HTR2C: variants seen among roughly 807,000 people sequenced by gnomAD.
The protein encoded by HTR2C is 5-hydroxytryptamine receptor 2C.
Under a neutral mutation model 21.0 loss-of-function variants are expected in HTR2C, and 5 were observed. The observed-to-expected ratio is 0.24, with a 90% CI of 0.12 to 0.50. The LOEUF is 0.50. Ranked by LOEUF, HTR2C falls within the 20% of genes least tolerant of loss-of-function variation. The pLI is 0.98. For synonymous variants in HTR2C, 150 were observed against 145.3 expected, an observed-to-expected ratio of 1.03 and a Z score of -0.23; for missense variants, 271 against 371.2, an observed-to-expected ratio of 0.73 and a Z score of 2.22.
intron 2 of HTR2C, among the ~76,000 whole-genome samples, chrX:114,645,208 TA>T (rs1314421190): frequency 1.1e-3 from 117 of 108,887 alleles, no homozygotes; most frequent in African/African-American, 3.6e-3. Flanking sequence ...ATAAGGAAGC[TA>T]AAAAAAATAC....
intron 5 of HTR2C, among the ~76,000 whole-genome samples, chrX:114,867,201 CT>C (rs1275630295): frequency 8.9e-6 from 1 of 111,789 alleles, no homozygotes; most frequent in Non-Finnish European, 1.9e-5. Flanking sequence ...GCCATTTTAA[CT>C]GGAGAGAAAT....
intron 4 of HTR2C, among the ~76,000 whole-genome samples, chrX:114,786,959 ATTCT>A (rs782001058): frequency 9.0e-6 from 1 of 110,949 alleles, no homozygotes; most frequent in Admixed American, 9.6e-5. Context: ...ATTCTGGTTG[ATTCT>A]TTCTCCTGGT....
chrX:114,733,267 G>A (rs2069554144), intron 4 of HTR2C, among the ~76,000 whole-genome samples: 3 of 109,765 alleles, frequency 2.7e-5, no homozygotes, highest in Admixed American at 2.0e-4. Flanking sequence ...AAAATTAGCC[G>A]GGCGTGGTGG....
At chrX:114,696,123 G>C (rs1932269331) in intron 2 of HTR2C, among the ~76,000 whole-genome samples, 1 of 111,345 alleles carries the variant, frequency 9.0e-6, no homozygotes, top group South Asian at 3.8e-4. Context: ...TTATTGAACA[G>C]CATTATATAG....
In HTR2C at chrX:114,870,944, T is replaced by A. The variant is rs891461376; in HGVS notation, c.550+22741T>A. 2.7e-5 allele frequency among the ~76,000 whole-genome samples: 3 copies of A among 111,803 alleles called. No individual in the cohort carries two copies. The Admixed American group carries it at 2.8e-4, about 11-fold the overall frequency. The stretch of plus-strand genomic sequence containing the variant: ...CTACTCTGATCTTTATTATTTCATT[T>A]CTTCTGCTAATTTTGGGTTTGGTTT... On this transcript the variant is annotated intron_variant, in intron 5 of 5. Transcript: ENST00000276198.
chrX:114,784,509 T>C (rs2070153982), intron 4 of HTR2C, among the ~76,000 whole-genome samples: 1 of 110,320 alleles, frequency 9.1e-6, no homozygotes, highest in Non-Finnish European at 1.9e-5. Context: ...GGAAAAATCA[T>C]CCTAGCTTGT....
chrX:114,639,598 T>A (rs1383234343), intron 2 of HTR2C: 1 of 112,875 alleles, frequency 8.9e-6, no homozygotes, highest in Non-Finnish European at 1.9e-5. Flanking sequence ...GACTGTGAAA[T>A]TTTAAACTCC....
rs1179234858 is a variant in HTR2C at position 114,783,465 on chromosome X, A to G, written c.349+51858A>G. ...AAACGTGTATTTATGCAATAGCATGATTACCAAATATATAAAGTAAAAACT... is the reference window on the plus strand; with the variant it reads ...AAACGTGTATTTATGCAATAGCATGGTTACCAAATATATAAAGTAAAAACT... On this transcript the variant is annotated intron_variant, in intron 4 of 5. Coordinates refer to ENST00000276198, the MANE Select transcript of HTR2C (RefSeq NM_000868.4). Among the ~76,000 whole-genome samples the G allele has an allele frequency of 7.1e-5, 8 of 112,202 alleles. No homozygotes were observed. In the Admixed American group the frequency reaches 7.6e-4, roughly 11 times the overall value.
At chrX:114,866,037 G>A (rs1328091937) in intron 5 of HTR2C, among the ~76,000 whole-genome samples, 4 of 110,882 alleles carry the variant, frequency 3.6e-5, no homozygotes, top group Admixed American at 1.9e-4. Context: ...GGCTGGTCTC[G>A]AACTCCTGAC....
At chrX:114,670,966 G>C (rs149587056) in intron 2 of HTR2C, among the ~76,000 whole-genome samples, 1 of 112,142 alleles carries the variant, frequency 8.9e-6, no homozygotes, top group African/African-American at 3.2e-5. Flanking sequence ...ACTGGCTATT[G>C]TCACTGAATT....
At chrX:114,666,147 A>G (rs1931168639) in intron 2 of HTR2C, among the ~76,000 whole-genome samples, 1 of 112,044 alleles carries the variant, frequency 8.9e-6, no homozygotes, top group Admixed American at 9.5e-5. Flanking sequence ...TGCTGAAGAA[A>G]GATCCACAGT....
At chrX:114,750,703 C>T (rs1201419144) in intron 4 of HTR2C, among the ~76,000 whole-genome samples, 3 of 112,096 alleles carry the variant, frequency 2.7e-5, no homozygotes, top group Non-Finnish European at 3.8e-5. Flanking sequence ...ACACATAATT[C>T]GTATATTGTA....
At chrX:114,603,633 C>T (rs1602629703) in intron 1 of HTR2C, among the ~76,000 whole-genome samples, 1 of 31,292 alleles carries the variant, frequency 3.2e-5, no homozygotes, top group East Asian at 4.5e-3. Flanking sequence ...GAAATTTGGG[C>T]TTGATTGAAG....
At chrX:114,775,063 TTC>T (rs2070043087) in intron 4 of HTR2C, 2 of 487,856 alleles carry the variant, frequency 4.1e-6, no homozygotes, top group African/African-American at 4.7e-5. Flanking sequence ...GTCCAGAATC[TTC>T]TGTTTGTCCT....
At chrX:114,660,950 T>G (rs1930963780) in intron 2 of HTR2C, among the ~76,000 whole-genome samples, 1 of 112,376 alleles carries the variant, frequency 8.9e-6, no homozygotes, top group Admixed American at 9.5e-5. Context: ...ATGTATTGAT[T>G]GAGATATCTC....
In HTR2C at chrX:114,907,786, A is replaced by G. The variant is rs1295084325; in HGVS notation, c.*371A>G. ...TTTGCAGGTGACCAGAATGAGGCAC[A>G]TGACAGTGGTTATATTTCAACCACA... On this transcript the variant is annotated 3_prime_UTR_variant, in exon 6 of 6. Transcript: ENST00000276198. The G allele has an allele frequency of 6.6e-6, 1 of 152,340 alleles. No homozygotes were observed. Among genetic ancestry groups the G allele is most frequent in the African/African-American group, 3.1e-5 (1 of 32,035 alleles). 12.6% of individuals were successfully genotyped at this position (152,340 alleles called of 1,213,427 possible). A position where few individuals can be genotyped will look rare whatever the true frequency, so the allele number is the denominator to read the frequency against.
At chrX:114,662,170 A>G (rs1266241536) in intron 2 of HTR2C, among the ~76,000 whole-genome samples, 1 of 111,889 alleles carries the variant, frequency 8.9e-6, no homozygotes, top group Non-Finnish European at 1.9e-5. Flanking sequence ...CCAATCGCTT[A>G]AGTACTTCAT....
chrX:114,587,406 C>T (rs1602618666), intron 1 of HTR2C, among the ~76,000 whole-genome samples: 1 of 111,586 alleles, frequency 9.0e-6, no homozygotes, highest in East Asian at 2.8e-4. Flanking sequence ...TCTGATACAG[C>T]TTAGTATTGT....
chrX:114,664,112 C>T (rs1931090098), intron 2 of HTR2C, among the ~76,000 whole-genome samples: 1 of 111,481 alleles, frequency 9.0e-6, no homozygotes, highest in Non-Finnish European at 1.9e-5. Flanking sequence ...TGACATATAC[C>T]CGTGCAAAGT....
Sources: allele counts gnomAD v4.1 joint callset (sites outside exome capture counted in the v4.1 genomes callset), GRCh38; gene constraint gnomAD v4.1.1; transcripts MANE v1.5; gene names NCBI Gene and HGNC (gene_info 2026-07-23, HGNC 2026-07-21).